Variants in MDGA2 observed in about 807,000 individuals in gnomAD.
The protein encoded by MDGA2 is MAM domain-containing glycosylphosphatidylinositol anchor protein 2.
Under a neutral mutation model 117.8 loss-of-function variants are expected in MDGA2, and 40 were observed. The observed-to-expected ratio is 0.34, with a 90% CI of 0.26 to 0.44. MDGA2 has a LOEUF of 0.44. Ranked by LOEUF, MDGA2 falls within the 20% of genes least tolerant of loss-of-function variation. The probability of loss-of-function intolerance (pLI) is 1.00; values close to 1 mark genes in which losing one functional copy is unlikely to be tolerated. For synonymous variants in MDGA2, 452 were observed against 439.0 expected (o/e 1.03, Z -0.37); for missense variants, 1,123 against 1,250.6 (o/e 0.90, Z 1.54).
chr14:47,366,224 A>G (rs1448343288), intron 1 of MDGA2, among the ~76,000 whole-genome samples: 2 of 152,196 alleles, frequency 1.3e-5, no homozygotes, highest in African/African-American at 4.8e-5. Context: ...CAGGAAGGCT[A>G]TTGGAAGAGT....
chr14:46,948,137 A>T (rs954805971), intron 9 of MDGA2, among the ~76,000 whole-genome samples: 7 of 150,120 alleles, frequency 4.7e-5, no homozygotes, highest in African/African-American at 1.5e-4. Context: ...TTTTTTCTTC[A>T]TCATGTTTCT....
chr14:47,609,048 TTTTTTA>T (rs1442433949), intron 1 of MDGA2, among the ~76,000 whole-genome samples: 7 of 151,896 alleles, frequency 4.6e-5, no homozygotes, highest in East Asian at 3.9e-4. Context: ...ATTCAGTTCT[TTTTTTA>T]TTTTTATCTT....
In MDGA2 at chr14:47,009,582, AG is replaced by A. The variant is rs1708303281; in HGVS notation, c.1819+25428del. 2.0e-5 allele frequency among the ~76,000 whole-genome samples: 3 copies of A among 152,092 alleles called. No homozygotes were observed. The South Asian group carries it at 6.2e-4, about 31-fold the overall frequency. On this transcript the variant is annotated intron_variant, in intron 8 of 16. Coordinates refer to ENST00000399232, the MANE Select transcript of MDGA2 (RefSeq NM_001113498.3). ...GGAAAAAGGCAGATCTATAGCAACT[AG>A]GATGTGAGAATTACTTTTTTATGGT...
chr14:47,610,222 G>C (rs1187466139), intron 1 of MDGA2, among the ~76,000 whole-genome samples: 4 of 151,864 alleles, frequency 2.6e-5, no homozygotes, highest in Non-Finnish European at 5.9e-5. Flanking sequence ...ATACTGAATG[G>C]GGAAAAGCTG....
chr14:46,901,705 C>T (rs891205008), intron 10 of MDGA2, among the ~76,000 whole-genome samples: 4 of 152,168 alleles, frequency 2.6e-5, no homozygotes, highest in Non-Finnish European at 4.4e-5. Context: ...CATTTCTCAA[C>T]CACTCTGGAA....
At chr14:47,406,165 C>A (rs934179464) in intron 1 of MDGA2, among the ~76,000 whole-genome samples, 1 of 151,958 alleles carries the variant, frequency 6.6e-6, no homozygotes, top group Admixed American at 6.6e-5. Context: ...GGTAGACGTG[C>A]AAATTAGATT....
At chr14:47,340,690 T>G (rs1481302968) in intron 1 of MDGA2, among the ~76,000 whole-genome samples, 1 of 152,304 alleles carries the variant, frequency 6.6e-6, no homozygotes, top group African/African-American at 2.4e-5. Context: ...AGCAAAGAGT[T>G]TGCTGCCATT....
Position 47,590,050 on chromosome 14 carries a change from CTAATT to C in MDGA2, c.280+84462_280+84466del, listed in dbSNP as rs1311723197. On this transcript the variant is annotated intron_variant, in intron 1 of 16. Transcript: ENST00000399232. ...AACTTAATGAACTAGTTTATTAGTT[CTAATT>C]TTGTGTGTGTGTATTTGTGTGTGTG... Among the ~76,000 whole-genome samples, 7 of 151,482 alleles carry C rather than the reference CTAATT, an allele frequency of 4.6e-5. No homozygotes were observed. In the Middle Eastern group the frequency reaches 0.017, roughly 368 times the overall value.
At chr14:47,383,761 G>A (rs901586200) in intron 1 of MDGA2, among the ~76,000 whole-genome samples, 2 of 152,032 alleles carry the variant, frequency 1.3e-5, no homozygotes, top group African/African-American at 4.8e-5. Context: ...CTGACCTCCT[G>A]TGATCCACAC....
chr14:47,296,154 A>G (rs1594779511), intron 2 of MDGA2, among the ~76,000 whole-genome samples: 1 of 152,280 alleles, frequency 6.6e-6, no homozygotes, highest in Non-Finnish European at 1.5e-5. Flanking sequence ...AAAGACAAAG[A>G]GAACACTAGA....
intron 8 of MDGA2, among the ~76,000 whole-genome samples, chr14:46,981,173 G>GGGC (rs1555340294): frequency 9.2e-6 from 1 of 108,420 alleles, no homozygotes; most frequent in Non-Finnish European, 2.1e-5. Context: ...GGAGGCCAAG[G>GGGC]GGGGGGCGGA....
chr14:47,299,843 T>C (rs900317088), intron 2 of MDGA2, among the ~76,000 whole-genome samples: 11 of 152,294 alleles, frequency 7.2e-5, no homozygotes, highest in African/African-American at 2.4e-4. Flanking sequence ...ACAATTTTAT[T>C]CTTTAATCCA....
intron 9 of MDGA2, among the ~76,000 whole-genome samples, chr14:46,926,009 G>A (rs1884318692): frequency 6.6e-6 from 1 of 152,140 alleles, no homozygotes; most frequent in South Asian, 2.1e-4. Flanking sequence ...TCAAGAACAG[G>A]GATGGTATCA....
intron 6 of MDGA2, among the ~76,000 whole-genome samples, chr14:47,077,916 A>G (rs558350980): frequency 9.0e-4 from 137 of 152,198 alleles, no homozygotes; most frequent in African/African-American, 3.2e-3. Flanking sequence ...GTGATGAATA[A>G]TATCTTTGAA....
chr14:47,644,388 A>T (rs560820410), intron 1 of MDGA2, among the ~76,000 whole-genome samples: 1 of 152,322 alleles, frequency 6.6e-6, no homozygotes, highest in South Asian at 2.1e-4. Flanking sequence ...TAATCATAAG[A>T]AAAGATTACA....
Position 47,312,707 on chromosome 14 carries a change from T to TTTTTTTG in MDGA2, c.281-11158_281-11157insCAAAAAA, listed in dbSNP as rs1386156259. Among the ~76,000 whole-genome samples, 8 of 145,438 alleles carry TTTTTTTG rather than the reference T, an allele frequency of 5.5e-5. No individual in the cohort carries two copies. In the East Asian group the frequency reaches 1.6e-3, roughly 30 times the overall value. On this transcript the variant is annotated intron_variant, in intron 1 of 16. Coordinates refer to ENST00000399232, the MANE Select transcript of MDGA2 (RefSeq NM_001113498.3). ...TTTTTTGTTTTGTTTTGTTTTTTTT[T>TTTTTTTG]TTTGTAGAGATAGGGTATTTCCATG...
chr14:47,640,816 T>C (rs1156695847), intron 1 of MDGA2, among the ~76,000 whole-genome samples: 2 of 152,108 alleles, frequency 1.3e-5, no homozygotes, highest in Non-Finnish European at 2.9e-5. Flanking sequence ...AGCCTTCCTT[T>C]CTTTATGTTA....
chr14:47,218,255 T>C (rs1252166791), intron 2 of MDGA2, 60 bp from the exon 3 acceptor site: 1 of 1,381,050 alleles, frequency 7.2e-7, no homozygotes, highest in East Asian at 2.6e-5. Flanking sequence ...AGAAATCAAA[T>C]AGCAATCACT....
At chr14:46,921,660 G>GAAA in intron 9 of MDGA2, among the ~76,000 whole-genome samples, 1 of 151,522 alleles carries the variant, frequency 6.6e-6, no homozygotes, top group Non-Finnish European at 1.5e-5. Context: ...TCTCAAATGA[G>GAAA]AGGAAAACAA....
Sources: allele counts gnomAD v4.1 joint callset (sites outside exome capture counted in the v4.1 genomes callset), GRCh38; gene constraint gnomAD v4.1.1; transcripts MANE v1.5; gene names NCBI Gene and HGNC (gene_info 2026-07-23, HGNC 2026-07-21).